Variants in RBFOX1 observed in about 807,000 individuals in gnomAD.
RBFOX1 encodes RNA binding protein fox-1 homolog 1.
In RBFOX1, 8 loss-of-function variants were observed where a neutral mutation model predicts 57.7. The ratio of observed to expected loss-of-function variants is 0.14; its 90% CI spans 0.08 to 0.25. RBFOX1 has a LOEUF of 0.25. Ranked by LOEUF, RBFOX1 falls within the 10% of genes least tolerant of loss-of-function variation. The probability of loss-of-function intolerance (pLI) is 1.00; values close to 1 mark genes in which losing one functional copy is unlikely to be tolerated. For missense variants in RBFOX1, 611 were observed against 548.5 expected (o/e 1.11, Z -1.14); for synonymous variants, 326 against 222.4 (o/e 1.47, Z -4.15).
At chr16:5,413,883 G>C (rs537933113) in intron 1 of RBFOX1, among the ~76,000 whole-genome samples, 8 of 152,202 alleles carry the variant, frequency 5.3e-5, no homozygotes, top group Admixed American at 3.3e-4. Context: ...GTTGATGTTT[G>C]CCCTTCCCAT....
chr16:6,669,765 A>G (rs2098752763), intron 3 of RBFOX1, among the ~76,000 whole-genome samples: 1 of 152,194 alleles, frequency 6.6e-6, no homozygotes, highest in Non-Finnish European at 1.5e-5. Flanking sequence ...CCTTCAGAAT[A>G]GAAAAGGTCC....
At chr16:5,782,681 C>A (rs548629926) in intron 3 of RBFOX1, among the ~76,000 whole-genome samples, 1 of 152,092 alleles carries the variant, frequency 6.6e-6, no homozygotes, top group Non-Finnish European at 1.5e-5. Flanking sequence ...CATGCATGTG[C>A]GTTCCTGTTA....
At chr16:6,918,098 A>C (rs1166023616) in intron 3 of RBFOX1, among the ~76,000 whole-genome samples, 8 of 152,018 alleles carry the variant, frequency 5.3e-5, no homozygotes, top group Non-Finnish European at 1.2e-4. Flanking sequence ...ACCAGCCTGG[A>C]CAACATGGTG....
At chr16:7,042,233 C>T (rs1348895697) in intron 3 of RBFOX1, among the ~76,000 whole-genome samples, 2 of 152,184 alleles carry the variant, frequency 1.3e-5, no homozygotes, top group African/African-American at 2.4e-5. Context: ...CTTGTCAGGG[C>T]ACAGTAGCTA....
At chr16:6,243,803 C>T (rs545536607) in intron 1 of RBFOX1, among the ~76,000 whole-genome samples, 15 of 152,260 alleles carry the variant, frequency 9.9e-5, no homozygotes, top group Admixed American at 2.0e-4. Context: ...AACTTAGAGT[C>T]GTCATGGCTC....
In RBFOX1 at chr16:7,153,177, C is replaced by T. The variant is rs1233725031; in HGVS notation, c.27+101079C>T. ...CCTCCTGTTATGAATCCGTCTGTGT[C>T]ACTGGTGGACATAATCATTTTTTTT... is the stretch of plus-strand genomic sequence containing the variant. On this transcript the variant is annotated intron_variant, in intron 4 of 15. Coordinates refer to ENST00000550418, the MANE Select transcript of RBFOX1 (RefSeq NM_018723.4). Among the ~76,000 whole-genome samples the T allele has an allele frequency of 2.8e-5, 4 of 140,404 alleles. No homozygotes were observed. The South Asian group carries it at 9.3e-4, about 33-fold the overall frequency. 92.1% of individuals were successfully genotyped at this position (140,404 alleles called of 152,430 possible). A position where few individuals can be genotyped will look rare whatever the true frequency, so the allele number is the denominator to read the frequency against.
At chr16:6,023,666 G>T (rs905884065) in intron 1 of RBFOX1, among the ~76,000 whole-genome samples, 4 of 152,196 alleles carry the variant, frequency 2.6e-5, no homozygotes, top group Non-Finnish European at 5.9e-5. Flanking sequence ...ACAGAGGGCA[G>T]CTCGTCCTGC....
intron 3 of RBFOX1, among the ~76,000 whole-genome samples, chr16:6,931,618 G>A (rs1019238132): frequency 6.6e-6 from 1 of 152,042 alleles, no homozygotes; most frequent in East Asian, 1.9e-4. Context: ...CCACCACAAT[G>A]CTTTGTCTTT....
At chr16:5,815,351 C>T (rs1486920685) in intron 3 of RBFOX1, among the ~76,000 whole-genome samples, 1 of 151,970 alleles carries the variant, frequency 6.6e-6, no homozygotes, top group African/African-American at 2.4e-5. Context: ...CCCTTCTATC[C>T]TCCCATCCCC....
At chr16:6,059,504 C>G (rs183785091) in intron 1 of RBFOX1, among the ~76,000 whole-genome samples, 148 of 152,180 alleles carry the variant, frequency 9.7e-4, no homozygotes, top group African/African-American at 3.4e-3. Flanking sequence ...TCTATTTACT[C>G]TGTATATTTA....
chr16:7,065,997 C>T (rs1185433911), intron 4 of RBFOX1, among the ~76,000 whole-genome samples: 1 of 151,896 alleles, frequency 6.6e-6, no homozygotes, highest in Non-Finnish European at 1.5e-5. Context: ...TAAATAACAA[C>T]AAAAAAAAAC....
At chr16:6,736,751 T>G (rs1161125579) in intron 3 of RBFOX1, among the ~76,000 whole-genome samples, 1 of 152,216 alleles carries the variant, frequency 6.6e-6, no homozygotes, top group Non-Finnish European at 1.5e-5. Flanking sequence ...AAAACCAGTT[T>G]AGAAGGACAG....
At chr16:6,198,943 C>T (rs2097198132) in intron 1 of RBFOX1, among the ~76,000 whole-genome samples, 1 of 151,550 alleles carries the variant, frequency 6.6e-6, no homozygotes, top group Non-Finnish European at 1.5e-5. Flanking sequence ...ATTATGTTTT[C>T]CAGGCTGGCA....
intron 4 of RBFOX1, among the ~76,000 whole-genome samples, chr16:7,447,916 C>T (rs1353155467): frequency 1.3e-5 from 2 of 152,206 alleles, no homozygotes; most frequent in East Asian, 3.9e-4. Context: ...GGCCAACAGG[C>T]ATCTGCGTTA....
At chr16:5,794,259 C>T (rs1359333089) in intron 3 of RBFOX1, among the ~76,000 whole-genome samples, 2 of 152,070 alleles carry the variant, frequency 1.3e-5, no homozygotes, top group African/African-American at 4.8e-5. Context: ...TTTCTTTTTC[C>T]TTCTCTTCCT....
At chr16:5,618,217 G>C (rs1288547975) in intron 3 of RBFOX1, among the ~76,000 whole-genome samples, 1 of 152,158 alleles carries the variant, frequency 6.6e-6, no homozygotes, top group Non-Finnish European at 1.5e-5. Context: ...GAGAGTCATA[G>C]AGATGGAATC....
At chr16:6,897,399 T>TCA (rs1338280800) in intron 3 of RBFOX1, among the ~76,000 whole-genome samples, 5 of 151,500 alleles carry the variant, frequency 3.3e-5, no homozygotes, top group East Asian at 2.0e-4. Context: ...CGAGACTCCG[T>TCA]CACACACACA....
intron 1 of RBFOX1, among the ~76,000 whole-genome samples, chr16:6,170,914 A>G (rs191122862): frequency 1.2e-4 from 19 of 152,326 alleles, no homozygotes; most frequent in African/African-American, 4.6e-4. Flanking sequence ...TGCAAAGGAC[A>G]TGATGTCTTT....
At chr16:6,674,096 C>T (rs141285183) in intron 3 of RBFOX1, among the ~76,000 whole-genome samples, 25 of 152,260 alleles carry the variant, frequency 1.6e-4, no homozygotes, top group African/African-American at 5.8e-4. Flanking sequence ...CTAATAGAAA[C>T]ACCATTCAAA....
Sources: gnomAD v4.1 joint callset for allele counts (sites outside exome capture counted in the v4.1 genomes callset) on GRCh38, gnomAD v4.1.1 for gene constraint, MANE v1.5 for transcripts, NCBI Gene and HGNC (gene_info 2026-07-23, HGNC 2026-07-21) for gene names.